HECTD4: variants seen among roughly 807,000 people sequenced by gnomAD.
The protein encoded by HECTD4 is HECT domain E3 ubiquitin protein ligase 4.
In HECTD4, 114 loss-of-function variants were observed where a neutral mutation model predicts 471.5. The ratio of observed to expected loss-of-function variants is 0.24; its 90% CI spans 0.21 to 0.28. HECTD4 has a LOEUF of 0.28. Among genes scored for constraint, HECTD4 ranks in the 10% least tolerant of loss-of-function variants. HECTD4 has a pLI of 1.00. For synonymous variants in HECTD4, 2,012 were observed against 2,256.0 expected (o/e 0.89, Z 3.07); for missense variants, 3,866 against 5,651.5 (o/e 0.68, Z 10.13).
intron 7 of HECTD4, among the ~76,000 whole-genome samples, chr12:112,289,580 G>GT (rs957492971): frequency 3.2e-4 from 48 of 151,250 alleles, no homozygotes; most frequent in African/African-American, 4.1e-4. Context: ...TAATGTTTAG[G>GT]TTTTTTTTTC....
intron 1 of HECTD4, among the ~76,000 whole-genome samples, chr12:112,342,211 C>CT: frequency 6.6e-6 from 1 of 152,282 alleles, no homozygotes; most frequent in South Asian, 2.1e-4. Flanking sequence ...ATCCTAACAC[C>CT]TTGGGAGGCC....
chr12:112,164,282 G>A lies in HECTD4; in HGVS notation c.12535-7C>T, dbSNP rs761126386. 1 of 1,608,282 alleles carries A rather than the reference G, an allele frequency of 6.2e-7. No homozygotes were observed. The highest frequency in any genetic ancestry group is 1.1e-5 in the South Asian group (1 of 90,744). On this transcript the variant is annotated splice_polypyrimidine_tract_variant and splice_region_variant and intron_variant, in intron 72 of 75. Coordinates refer to ENST00000682272, the MANE Select transcript of HECTD4 (RefSeq NM_001388303.1). ...GCTCGGTCTCATCATTGATCTGGAG[G>A]GTGGAGGCAGAGCGAGGCTCATTAT... is the stretch of plus-strand genomic sequence containing the variant.
At chr12:112,214,330 G>GA (rs1345474910) in intron 48 of HECTD4, among the ~76,000 whole-genome samples, 1 of 152,198 alleles carries the variant, frequency 6.6e-6, no homozygotes, top group Non-Finnish European at 1.5e-5. Context: ...GTAAGTGCAT[G>GA]AAGTTCTAAG....
intron 22 of HECTD4, among the ~76,000 whole-genome samples, chr12:112,253,378 G>A (rs1018080941): frequency 3.3e-5 from 5 of 152,178 alleles, no homozygotes; most frequent in Non-Finnish European, 5.9e-5. Context: ...GCCCGCCACA[G>A]CCTCCCAAAG....
chr12:112,217,877 CT>C (rs1566076314), intron 45 of HECTD4, among the ~76,000 whole-genome samples: 1 of 152,040 alleles, frequency 6.6e-6, no homozygotes, highest in Non-Finnish European at 1.5e-5. Context: ...CTTCCTTTTT[CT>C]TTTTTTAAAG....
Position 112,163,075 on chromosome 12 carries a change from G to T in HECTD4, c.13087C>A (p.Pro4363Thr). 6.2e-7 allele frequency: 1 copy of T among 1,613,582 alleles called. No individual in the cohort carries two copies. Among genetic ancestry groups the T allele is most frequent in the Non-Finnish European group, 8.5e-7 (1 of 1,179,678 alleles). ...CCATCTGGGGGGGCGATCTTCATGGGGTACGGGGGCACATGGGCAGTGTCG... is the reference window on the plus strand; with the variant it reads ...CCATCTGGGGGGGCGATCTTCATGGTGTACGGGGGCACATGGGCAGTGTCG... ...GPDTAHVPPY[P>T]MKIAPPDGTA... is the part of the protein sequence containing the mutation. Residue 4363 changes from proline to threonine, a missense_variant, in exon 75 of 76, where the codon CCC becomes ACC. Coordinates refer to ENST00000682272, the MANE Select transcript of HECTD4 (RefSeq NM_001388303.1). The surrounding 1 kb of genome is among the most constrained non-coding windows in gnomAD (Gnocchi z 8.2).
At chr12:112,248,646 T>C in intron 25 of HECTD4, 134 bp from the exon 26 acceptor site, 1 of 549,242 alleles carries the variant, frequency 1.8e-6, no homozygotes, top group South Asian at 4.2e-5. Context: ...AGTGGAGCAA[T>C]CATGGCTCAC....
At chr12:112,323,007 C>T (rs574179629) in intron 1 of HECTD4, 44 of 187,316 alleles carry the variant, frequency 2.3e-4, no homozygotes, top group Non-Finnish European at 4.6e-4. Flanking sequence ...ACTGCCAGTA[C>T]CTGGCAGGAC....
chr12:112,192,443 T>C, intron 59 of HECTD4, 117 bp downstream of exon 59: 1 of 740,032 alleles, frequency 1.4e-6, no homozygotes. Context: ...AGAAGTCCTA[T>C]TCTTTATCAA....
chr12:112,229,262 G>T (rs2033315726), intron 41 of HECTD4, among the ~76,000 whole-genome samples: 1 of 152,202 alleles, frequency 6.6e-6, no homozygotes, highest in South Asian at 2.1e-4. Flanking sequence ...GGGAGACAGA[G>T]GTTGCAGTGA....
At chr12:112,168,560 T>A (rs1205200456) in intron 70 of HECTD4, among the ~76,000 whole-genome samples, 1 of 152,192 alleles carries the variant, frequency 6.6e-6, no homozygotes, top group Non-Finnish European at 1.5e-5. Context: ...GCCCACACCC[T>A]GCTTGGTAAG....
intron 7 of HECTD4, among the ~76,000 whole-genome samples, chr12:112,303,314 T>C (rs935723141): frequency 1.3e-5 from 2 of 152,206 alleles, no homozygotes; most frequent in African/African-American, 4.8e-5. Context: ...TAACATGCTC[T>C]AAGGCTGGTG....
At chr12:112,323,369 A>G (rs187561965) in intron 1 of HECTD4, among the ~76,000 whole-genome samples, 305 of 152,320 alleles carry the variant, frequency 2.0e-3, no homozygotes, top group Non-Finnish European at 2.5e-3. Flanking sequence ...AACTATAAGT[A>G]TCTCAGTTAA....
At position 112,231,536 on chromosome 12, in the gene HECTD4, T is replaced by C. The variant is rs187844604; in HGVS notation, c.6177A>G (p.Arg2059=). 32 of 1,614,076 alleles carry C rather than the reference T, an allele frequency of 2.0e-5. No homozygotes were observed. Among genetic ancestry groups the C allele is most frequent in the Non-Finnish European group, 2.7e-5 (32 of 1,179,904 alleles). The change falls in exon 39 of 76, where the codon CGA becomes CGG. Residue 2059 remains arginine, a synonymous_variant. Coordinates refer to ENST00000682272, the MANE Select transcript of HECTD4 (RefSeq NM_001388303.1). ...ACCTTGCAAGCTCCGAGTTCCTCTCTCGGCAAATGGAAGTTTGGGCAGTTT... is the reference window on the plus strand; with the variant it reads ...ACCTTGCAAGCTCCGAGTTCCTCTCCCGGCAAATGGAAGTTTGGGCAGTTT... ...KKKTAQTSIC[R]ERNSELARTD...
At position 112,188,415 on chromosome 12, in the gene HECTD4, C is replaced by T. The variant is rs1415613747; in HGVS notation, c.9472+2371G>A. ...ACACTGTCTAGAACCACAAGATGGA[C>T]CACACGTTTGTGCCAAGGTCTCCTT... On this transcript the variant is annotated intron_variant, in intron 60 of 75. Transcript: ENST00000682272. The surrounding 1 kb of genome is among the most constrained non-coding windows in gnomAD (Gnocchi z 4.2). 1.3e-5 allele frequency among the ~76,000 whole-genome samples: 2 copies of T among 152,170 alleles called. No individual in the cohort carries two copies. The highest frequency in any genetic ancestry group is 2.9e-5 in the Non-Finnish European group (2 of 68,024).
At chr12:112,289,371 A>G (rs2034827031) in intron 7 of HECTD4, among the ~76,000 whole-genome samples, 1 of 152,214 alleles carries the variant, frequency 6.6e-6, no homozygotes, top group African/African-American at 2.4e-5. Context: ...ATCTAATTCC[A>G]TGCTTAGTTA....
intron 54 of HECTD4, chr12:112,201,486 TTCAA>T (rs1419234293): frequency 6.4e-6 from 1 of 155,154 alleles, no homozygotes; most frequent in Non-Finnish European, 1.4e-5. Context: ...AAAAAAAAAT[TTCAA>T]TCAAAATAAA....
chr12:112,280,787 T>C (rs1249873325), intron 8 of HECTD4, among the ~76,000 whole-genome samples: 1 of 133,256 alleles, frequency 7.5e-6, no homozygotes, highest in Non-Finnish European at 1.5e-5. Context: ...ATAAAAACTT[T>C]TTTTTTTTTT....
chr12:112,334,006 CA>C (rs1393774276), intron 1 of HECTD4, among the ~76,000 whole-genome samples: 2 of 151,874 alleles, frequency 1.3e-5, no homozygotes, highest in Non-Finnish European at 2.9e-5. Context: ...GTCAAGAGTT[CA>C]ATACCAGCCT....
Sources: allele counts gnomAD v4.1 joint callset (sites outside exome capture counted in the v4.1 genomes callset), GRCh38; gene constraint gnomAD v4.1.1; non-coding constraint Gnocchi (gnomAD v3.1); transcripts MANE v1.5; gene names NCBI Gene and HGNC (gene_info 2026-07-23, HGNC 2026-07-21).